Variants in PADI2 observed in about 807,000 individuals in gnomAD.
PADI2 encodes the protein protein-arginine deiminase type-2.
Under a neutral mutation model 81.1 loss-of-function variants are expected in PADI2, and 70 were observed. The observed-to-expected ratio is 0.86, with a 90% confidence interval of 0.71 to 1.05. The LOEUF is 1.05. Ranked by LOEUF, PADI2 falls within the 50% of genes least tolerant of loss-of-function variation. The pLI is 0.00. For missense variants in PADI2, 853 were observed against 889.9 expected, an observed-to-expected ratio of 0.96 and a Z score of 0.53; for synonymous variants, 338 against 358.0, an observed-to-expected ratio of 0.94 and a Z score of 0.63.
At chr1:17,077,935 T>C (rs2078316155) in intron 11 of PADI2, among the ~76,000 whole-genome samples, 1 of 152,092 alleles carries the variant, frequency 6.6e-6, no homozygotes, top group African/African-American at 2.4e-5. Flanking sequence ...AGGAGAATCA[T>C]GGACAGGCCA....
intron 7 of PADI2, 22 bp downstream of exon 7, chr1:17,086,499 G>T: frequency 6.3e-7 from 1 of 1,599,848 alleles, no homozygotes; most frequent in Non-Finnish European, 8.5e-7. Context: ...AGCCCCCTGT[G>T]GTGGAGGCCT....
At chr1:17,075,293 T>A (rs2078293759) in intron 12 of PADI2, 1 of 324,588 alleles carries the variant, frequency 3.1e-6, no homozygotes, top group South Asian at 4.6e-5. Context: ...CACAGGTGCA[T>A]AACCTATTTC....
chr1:17,088,575 G>C (rs1930550439), intron 6 of PADI2, among the ~76,000 whole-genome samples: 1 of 152,092 alleles, frequency 6.6e-6, no homozygotes, highest in East Asian at 1.9e-4. Flanking sequence ...CAATGTCAGA[G>C]GGACCTTGGT....
intron 3 of PADI2, among the ~76,000 whole-genome samples, chr1:17,098,280 C>T (rs750109516): frequency 2.6e-5 from 4 of 152,192 alleles, no homozygotes; most frequent in Non-Finnish European, 5.9e-5. Context: ...GTGCCCATTT[C>T]CCCACCTTGG....
In PADI2 at chr1:17,084,725, G is replaced by C. The variant is rs1293672737; in HGVS notation, c.835-23C>G. On this transcript the variant is annotated intron_variant, in intron 7 of 15. Coordinates refer to ENST00000375486, the MANE Select transcript of PADI2 (RefSeq NM_007365.3). ...GTCCTGGGTGTGGGAGACAAGGCGT[G>C]GGGGATCAAAAGGTTTTGTCAGGTG... The C allele has an allele frequency of 2.7e-6, 4 of 1,472,776 alleles. No homozygotes were observed. In the South Asian group the frequency reaches 4.9e-5, roughly 18 times the overall value. The allele number at this position is 1,472,776 out of a possible 1,614,324, so 91.2% of individuals were successfully genotyped here. A position where few individuals can be genotyped will look rare whatever the true frequency, so the allele number is the denominator to read the frequency against.
rs1248996019 is a variant in PADI2 at position 17,069,180 on chromosome 1, A to G, written c.1862T>C (p.Leu621Pro). 5.0e-5 allele frequency: 81 copies of G among 1,614,132 alleles called. No homozygotes were observed. The highest frequency in any genetic ancestry group is 6.9e-5 in the Non-Finnish European group (81 of 1,180,048). ...GCATTCGAGGCCCAGGGGCTCCAGG[A>G]GGCCACGCACGTGCATCTCCAGGCA... ...ECCLEMHVRG[L>P]LEPLGLECTF... Residue 621 changes from leucine (L) to proline (P), a missense_variant, in exon 16 of 16, where the codon CTC (leucine) becomes CCC (proline). Coordinates refer to ENST00000375486, the MANE Select transcript of PADI2 (RefSeq NM_007365.3).
At chr1:17,086,197 C>T (rs537057386) in intron 7 of PADI2, among the ~76,000 whole-genome samples, 6 of 152,280 alleles carry the variant, frequency 3.9e-5, no homozygotes, top group African/African-American at 1.2e-4. Flanking sequence ...TAGAGCCTCG[C>T]GCTAATCAGC....
At chr1:17,117,540 C>T (rs929732483) in intron 1 of PADI2, among the ~76,000 whole-genome samples, 2 of 151,958 alleles carry the variant, frequency 1.3e-5, no homozygotes, top group African/African-American at 2.4e-5. Context: ...TCTTTGTGGT[C>T]GTTGAGACAG....
chr1:17,109,991 A>C (rs992457751), intron 1 of PADI2, among the ~76,000 whole-genome samples: 3 of 152,182 alleles, frequency 2.0e-5, no homozygotes, highest in African/African-American at 7.2e-5. Context: ...CGCCCAGCCC[A>C]CATCGCAGCT....
rs555997435 is a variant in PADI2 at position 17,084,252 on chromosome 1, A to C, written c.938+347T>G. 3.3e-5 allele frequency among the ~76,000 whole-genome samples: 5 copies of C among 152,272 alleles called. No homozygotes were observed. The South Asian group carries it at 1.0e-3, about 32-fold the overall frequency. ...TCTTGCTGTTGTGGACCTAGCTCAT[A>C]ATAGGTGGTCAATAAAAGTCTGTTT... On this transcript the variant is annotated intron_variant, in intron 8 of 15. Coordinates refer to ENST00000375486, the MANE Select transcript of PADI2 (RefSeq NM_007365.3).
intron 11 of PADI2, among the ~76,000 whole-genome samples, chr1:17,078,575 A>G (rs1482684268): frequency 6.6e-6 from 1 of 151,938 alleles, no homozygotes; most frequent in Non-Finnish European, 1.5e-5. Context: ...TTTAGTAAAG[A>G]CAAAGTTTTG....
chr1:17,105,161 A>G, intron 1 of PADI2, 100 bp from the exon 2 acceptor site: 1 of 796,420 alleles, frequency 1.3e-6, no homozygotes, highest in Non-Finnish European at 1.9e-6. Flanking sequence ...GGGAGGTCAA[A>G]GCCCGAGAAT....
chr1:17,114,272 A>ACATTCATTCATTCATTCGTT (rs1931682637), intron 1 of PADI2, among the ~76,000 whole-genome samples: 1 of 152,238 alleles, frequency 6.6e-6, no homozygotes, highest in Non-Finnish European at 1.5e-5. Context: ...ATCACAGGCC[A>ACATTCATTCATTCATTCGTT]CATTCATTCA....
At position 17,084,639 on chromosome 1, in the gene PADI2, T is replaced by C. The variant is rs868364900; in HGVS notation, c.898A>G (p.Thr300Ala). Residue 300 changes from threonine (T) to alanine (A), a missense_variant, in exon 8 of 16, where the codon ACC becomes GCC. Thr to Ala is a moderately conservative substitution (Grantham distance 58). Coordinates refer to ENST00000375486, the MANE Select transcript of PADI2 (RefSeq NM_007365.3). The stretch of plus-strand genomic sequence containing the variant: ...GACACGGGAGGCAGGATGTTGGGGG[T>C]CATGATCCACGGAGCAATCCGGAAT... ...VIFRIAPWIMTPNILPPVSVF... is the reference protein window; with the variant it reads ...VIFRIAPWIMAPNILPPVSVF... 1 of 1,581,412 alleles carries C rather than the reference T, an allele frequency of 6.3e-7. No individual in the cohort carries two copies. Among genetic ancestry groups the C allele is most frequent in the Non-Finnish European group, 8.6e-7 (1 of 1,163,524 alleles).
intron 10 of PADI2, among the ~76,000 whole-genome samples, chr1:17,080,218 A>G (rs1168967086): frequency 6.6e-6 from 1 of 152,220 alleles, no homozygotes; most frequent in South Asian, 2.1e-4. Flanking sequence ...ACCCATTGCC[A>G]TGTGACTTCT....
At position 17,082,605 on chromosome 1, in the gene PADI2, G is replaced by T. The variant is rs749150877; in HGVS notation, c.1098C>A (p.Pro366=). ...CATCTCGGGGAGAGTCCAGCACCAC[G>T]GGGAAGCCTTTATGGGGGGCCTCGA... ...GYIEAPHKGF[P]VVLDSPRDGN... Residue 366 remains proline (P), a synonymous_variant, in exon 10 of 16, where the codon CCC becomes CCA. Coordinates refer to ENST00000375486, the MANE Select transcript of PADI2 (RefSeq NM_007365.3). The T allele has an allele frequency of 3.1e-6, 5 of 1,611,806 alleles. No individual in the cohort carries two copies. In the African/African-American group the frequency reaches 4.0e-5, roughly 13 times the overall value.
At chr1:17,117,146 G>C (rs1010259395) in intron 1 of PADI2, among the ~76,000 whole-genome samples, 26 of 152,186 alleles carry the variant, frequency 1.7e-4, no homozygotes, top group African/African-American at 5.3e-4. Context: ...CACTAGACCT[G>C]TTCTGTCCCG....
intron 6 of PADI2, among the ~76,000 whole-genome samples, chr1:17,091,561 T>G (rs1195740198): frequency 6.6e-6 from 1 of 152,028 alleles, no homozygotes; most frequent in Admixed American, 6.6e-5. Flanking sequence ...CACTCTAAAC[T>G]GGTCTCCTCC....
chr1:17,097,055 T>A (rs932453), intron 3 of PADI2, among the ~76,000 whole-genome samples: 1 of 152,174 alleles, frequency 6.6e-6, no homozygotes, highest in Admixed American at 6.5e-5. Flanking sequence ...TGGAGACGGA[T>A]GAGGTCGAGT....
Sources: gnomAD v4.1 joint callset for allele counts (sites outside exome capture counted in the v4.1 genomes callset) on GRCh38, gnomAD v4.1.1 for gene constraint, MANE v1.5 for transcripts, NCBI Gene and HGNC (gene_info 2026-07-23, HGNC 2026-07-21) for gene names.